CA4: variants seen among roughly 807,000 people sequenced by gnomAD.
CA4 encodes the protein CA-IV.
In CA4, 24 loss-of-function variants were observed where a neutral mutation model predicts 34.5. That is an observed-to-expected ratio of 0.70 (90% CI 0.50 to 0.98). The LOEUF is 0.98. CA4 is among the 50% of genes least tolerant of loss of function. CA4 has a pLI of 0.00. For missense variants in CA4, 394 were observed against 396.7 expected (o/e 0.99, Z 0.06); for synonymous variants, 178 against 170.6 (o/e 1.04, Z -0.34).
chr17:60,173,478 G>A (rs1318480518), downstream of CA4, among the ~76,000 whole-genome samples: 1 of 152,200 alleles, frequency 6.6e-6, no homozygotes, highest in African/African-American at 2.4e-5. Context: ...CTCACTTTAT[G>A]AGGCAGTTCG....
chr17:60,157,545 C>G lies in CA4; in HGVS notation c.387C>G (p.Ser129Arg). The change falls in exon 4 of 8, where the codon AGC (serine) becomes AGG (arginine). Residue 129 changes from serine (S) to arginine (R), a missense_variant. Transcript: ENST00000300900. ...SDLPYKGSEH[S>R]LDGEHFAMEM... ...TGCCATATAAGGGCTCGGAGCACAGCCTCGATGGGGAGCACTTTGCCATGG... is the reference window on the plus strand; with the variant it reads ...TGCCATATAAGGGCTCGGAGCACAGGCTCGATGGGGAGCACTTTGCCATGG... The G allele has an allele frequency of 6.2e-7, 1 of 1,614,214 alleles. No homozygotes were observed. The highest frequency in any genetic ancestry group is 1.1e-5 in the South Asian group (1 of 91,090).
intron 1 of CA4, 31 bp from the exon 2 acceptor site, chr17:60,155,283 G>A (rs766257441): frequency 1.6e-5 from 26 of 1,603,406 alleles, no homozygotes; most frequent in African/African-American, 2.7e-5. Context: ...ACACACGCAC[G>A]CACACTTCAC....
chr17:60,157,598 C>A (rs777535929), intron 4 of CA4, 26 bp downstream of exon 4: 5 of 1,614,060 alleles, frequency 3.1e-6, no homozygotes, highest in Non-Finnish European at 4.2e-6. Context: ...CGACTGGGAC[C>A]TTGTCTGGGC....
At chr17:60,153,440 G>T (rs144783735) in intron 1 of CA4, among the ~76,000 whole-genome samples, 1 of 152,122 alleles carries the variant, frequency 6.6e-6, no homozygotes, top group Admixed American at 6.6e-5. Context: ...TATATACAAC[G>T]CATTGAATGC....
At chr17:60,178,510 T>C in the CA4 span, among the ~76,000 whole-genome samples, 4 of 152,162 alleles carry the variant, frequency 2.6e-5, no homozygotes, top group African/African-American at 7.2e-5. Context: ...GGGAGGGCCA[T>C]GGTAGCTGGA....
chr17:60,160,451 G>C (rs1202627165), downstream of CA4, among the ~76,000 whole-genome samples: 1 of 152,168 alleles, frequency 6.6e-6, no homozygotes, highest in South Asian at 2.1e-4. Flanking sequence ...GAGGCAGTGA[G>C]TGCATGGGAG....
At chr17:60,155,487 A>T in intron 2 of CA4, 120 bp downstream of exon 2, 2 of 670,200 alleles carry the variant, frequency 3.0e-6, no homozygotes, top group Non-Finnish European at 5.5e-6. Context: ...GGCAGATATC[A>T]GTTCCCAGCA....
chr17:60,162,559 A>G (rs1296273366), downstream of CA4, among the ~76,000 whole-genome samples: 2 of 151,238 alleles, frequency 1.3e-5, no homozygotes, highest in Non-Finnish European at 3.0e-5. Context: ...ACACACACAC[A>G]CACACACACA....
the CA4 span, among the ~76,000 whole-genome samples, chr17:60,177,524 C>G: frequency 6.6e-6 from 1 of 152,116 alleles, no homozygotes; most frequent in Non-Finnish European, 1.5e-5. Context: ...GATCAAACAA[C>G]ATTAGTAGAT....
chr17:60,155,852 A>G (rs2145266878), intron 2 of CA4, among the ~76,000 whole-genome samples: 1 of 152,274 alleles, frequency 6.6e-6, no homozygotes, highest in Admixed American at 6.5e-5. Context: ...CCCATAATAA[A>G]ACGGGGAGTT....
At chr17:60,173,284 T>C (rs1044884768), downstream of CA4, among the ~76,000 whole-genome samples, 1 of 152,276 alleles carries the variant, frequency 6.6e-6, no homozygotes, top group Non-Finnish European at 1.5e-5. Flanking sequence ...TTATTACAAC[T>C]GGCCTGACCT....
chr17:60,169,441 G>GC (rs2083893052), intron 5 of CA4, among the ~76,000 whole-genome samples: 1 of 152,040 alleles, frequency 6.6e-6, no homozygotes, highest in South Asian at 2.1e-4. Context: ...TGCTGATGCT[G>GC]CCCCCTCCCA....
At chr17:60,158,161 A>AG (rs574773915) in intron 6 of CA4, 34 bp downstream of exon 6, 50 of 1,297,308 alleles carry the variant, frequency 3.9e-5, no homozygotes, top group South Asian at 3.5e-5. Flanking sequence ...GCTTGGGGTG[A>AG]GGGGGGGGAT....
chr17:60,174,963 AC>A (rs1366186166), downstream of CA4, among the ~76,000 whole-genome samples: 1 of 152,098 alleles, frequency 6.6e-6, no homozygotes, highest in African/African-American at 2.4e-5. Context: ...GAGGCCGAAG[AC>A]CTCTCTCAAC....
intron 1 of CA4, among the ~76,000 whole-genome samples, chr17:60,152,509 G>T (rs1185406532): frequency 6.6e-6 from 1 of 152,254 alleles, no homozygotes; most frequent in African/African-American, 2.4e-5. Context: ...AGCCAGGGAA[G>T]ACCAAATTCC....
intron 1 of CA4, among the ~76,000 whole-genome samples, chr17:60,152,985 G>T (rs975141410): frequency 6.6e-6 from 1 of 152,168 alleles, no homozygotes; most frequent in South Asian, 2.1e-4. Flanking sequence ...ACCCAGACTT[G>T]GGAAGGTCCA....
chr17:60,150,893 C>A (rs1325005196), intron 1 of CA4, among the ~76,000 whole-genome samples: 1 of 151,328 alleles, frequency 6.6e-6, no homozygotes, highest in East Asian at 2.0e-4. Flanking sequence ...CTCCCCTGGC[C>A]TCCCTAACCT....
At chr17:60,156,982 C>T (rs1420865219) in intron 3 of CA4, 4 of 556,816 alleles carry the variant, frequency 7.2e-6, no homozygotes, top group Non-Finnish European at 9.7e-6. Context: ...TGGAACAGCT[C>T]GGCGTGTTCA....
At chr17:60,150,299 C>CT (rs2083566911) in intron 1 of CA4, among the ~76,000 whole-genome samples, 3 of 152,156 alleles carry the variant, frequency 2.0e-5, no homozygotes, top group Admixed American at 2.0e-4. Context: ...TCAGCACCGG[C>CT]TGGGGGAGCG....
Sources: gnomAD v4.1 joint callset for allele counts (sites outside exome capture counted in the v4.1 genomes callset) on GRCh38, gnomAD v4.1.1 for gene constraint, MANE v1.5 for transcripts, NCBI Gene and HGNC (gene_info 2026-07-23, HGNC 2026-07-21) for gene names.